Variants in WWOX observed in about 807,000 individuals in gnomAD.
The protein encoded by WWOX is WW domain-containing oxidoreductase.
WWOX carries 69 observed loss-of-function variants against 46.2 expected under a neutral mutation model. The ratio of observed to expected loss-of-function variants is 1.49; its 90% CI spans 1.23 to 1.82. The LOEUF (loss-of-function observed/expected upper bound fraction) is 1.82, where lower values mean the gene tolerates loss of function less well. Ranked by LOEUF, WWOX falls within the 40% of genes most tolerant of loss-of-function variation. WWOX has a pLI of 0.00. For synonymous variants in WWOX, 359 were observed against 202.6 expected (o/e 1.77, Z -6.56); for missense variants, 919 against 542.6 (o/e 1.69, Z -6.89).
chr16:78,575,050 T>C (rs2667518), intron 8 of WWOX, among the ~76,000 whole-genome samples: 3 of 12,282 alleles, frequency 2.4e-4, no homozygotes, highest in African/African-American at 7.2e-4. Context: ...TATATATATA[T>C]ATATATATAT....
intron 8 of WWOX, among the ~76,000 whole-genome samples, chr16:79,019,184 A>G (rs1187126246): frequency 1.8e-5 from 1 of 55,594 alleles, no homozygotes; most frequent in African/African-American, 1.5e-4. Context: ...AAAAAAAAAA[A>G]AGAAAAAAAA....
chr16:78,758,245 C>A (rs1288522120), intron 8 of WWOX, among the ~76,000 whole-genome samples: 1 of 151,998 alleles, frequency 6.6e-6, no homozygotes, highest in Non-Finnish European at 1.5e-5. Context: ...ATAGTAATTC[C>A]ATGTAGCTAT....
intron 8 of WWOX, among the ~76,000 whole-genome samples, chr16:78,906,066 G>C (rs2044955762): frequency 6.6e-6 from 1 of 152,232 alleles, no homozygotes; most frequent in Non-Finnish European, 1.5e-5. Context: ...ATAGGCTACA[G>C]TATTTTGTCT....
At chr16:78,922,458 A>C (rs1005277733) in intron 8 of WWOX, among the ~76,000 whole-genome samples, 2 of 150,606 alleles carry the variant, frequency 1.3e-5, no homozygotes, top group Non-Finnish European at 2.9e-5. Context: ...GGCTCACTGC[A>C]ATTTCTACCT....
At chr16:78,389,504 G>T (rs117702515) in intron 6 of WWOX, among the ~76,000 whole-genome samples, 1 of 152,188 alleles carries the variant, frequency 6.6e-6, no homozygotes, top group African/African-American at 2.4e-5. Context: ...AGCGGAGTCA[G>T]CAGCTCATTT....
chr16:78,442,360 T>C (rs890025751), intron 8 of WWOX, among the ~76,000 whole-genome samples: 13 of 152,112 alleles, frequency 8.5e-5, no homozygotes, highest in African/African-American at 3.1e-4. Context: ...TTCACCATGC[T>C]GTACAATAGA....
At chr16:78,756,659 C>T (rs1323917610) in intron 8 of WWOX, among the ~76,000 whole-genome samples, 2 of 152,130 alleles carry the variant, frequency 1.3e-5, no homozygotes, top group East Asian at 1.9e-4. Flanking sequence ...TCCTTTGTTT[C>T]ACCCTGTTTG....
intron 1 of WWOX, chr16:78,100,124 A>G (rs1236935230): frequency 2.2e-6 from 3 of 1,347,910 alleles, no homozygotes; most frequent in Non-Finnish European, 2.9e-6. Flanking sequence ...GCTGTTCAGG[A>G]TGCAGCACTG....
At chr16:78,392,982 G>A (rs2082209050) in intron 6 of WWOX, among the ~76,000 whole-genome samples, 1 of 152,064 alleles carries the variant, frequency 6.6e-6, no homozygotes, top group African/African-American at 2.4e-5. Context: ...GCGGTCGTCG[G>A]CCAGTGTGTC....
intron 8 of WWOX, among the ~76,000 whole-genome samples, chr16:78,573,612 C>T (rs771349265): frequency 2.0e-5 from 3 of 152,170 alleles, no homozygotes; most frequent in Admixed American, 2.0e-4. Flanking sequence ...GCCCAGTGTA[C>T]TCTCTGTCTC....
At chr16:79,068,426 G>C (rs1008149600) in intron 8 of WWOX, among the ~76,000 whole-genome samples, 1 of 152,078 alleles carries the variant, frequency 6.6e-6, no homozygotes. Context: ...TGTGCTGCCT[G>C]ACACACTCCT....
chr16:78,496,856 A>T (rs942584878), intron 8 of WWOX, among the ~76,000 whole-genome samples: 1 of 152,234 alleles, frequency 6.6e-6, no homozygotes, highest in African/African-American at 2.4e-5. Flanking sequence ...TTGCTGTGCC[A>T]TGTGCATGGA....
intron 5 of WWOX, among the ~76,000 whole-genome samples, chr16:78,234,803 A>AAC (rs67449534): frequency 0.042 from 299 of 7,062 alleles, 1 homozygote; most frequent in African/African-American, 0.21. Flanking sequence ...AAAAAACAAC[A>AAC]AAAAAAAACC....
At chr16:79,186,658 T>C (rs1378241894) in intron 8 of WWOX, among the ~76,000 whole-genome samples, 1 of 152,166 alleles carries the variant, frequency 6.6e-6, no homozygotes, top group Non-Finnish European at 1.5e-5. Flanking sequence ...CGGGACATGA[T>C]TCAACCTATA....
intron 4 of WWOX, among the ~76,000 whole-genome samples, chr16:78,118,069 T>C (rs2032897995): frequency 6.6e-6 from 1 of 151,194 alleles, no homozygotes; most frequent in Non-Finnish European, 1.5e-5. Flanking sequence ...ATGCCCCATA[T>C]GACGCTGCTT....
At chr16:79,058,916 A>C (rs1308355941) in intron 8 of WWOX, among the ~76,000 whole-genome samples, 1 of 152,262 alleles carries the variant, frequency 6.6e-6, no homozygotes, top group African/African-American at 2.4e-5. Flanking sequence ...CACTTTGGAC[A>C]TGTCAAAATC....
At chr16:78,677,700 C>G (rs760336547) in intron 8 of WWOX, among the ~76,000 whole-genome samples, 2 of 152,118 alleles carry the variant, frequency 1.3e-5, no homozygotes, top group Non-Finnish European at 2.9e-5. Flanking sequence ...TTGTGATGAA[C>G]TCAGGTCTAT....
intron 8 of WWOX, among the ~76,000 whole-genome samples, chr16:78,583,670 C>T (rs1360593181): frequency 1.3e-5 from 2 of 152,172 alleles, no homozygotes; most frequent in Middle Eastern, 3.2e-3. Flanking sequence ...AGCCATCAGG[C>T]AGCGGGTTGG....
intron 8 of WWOX, among the ~76,000 whole-genome samples, chr16:78,644,983 A>C (rs984851433): frequency 7.2e-5 from 11 of 152,036 alleles, no homozygotes; most frequent in African/African-American, 2.4e-4. Context: ...TTTTGGTTCT[A>C]CTCTTCAATG....
Sources: allele counts gnomAD v4.1 joint callset (sites outside exome capture counted in the v4.1 genomes callset), GRCh38; gene constraint gnomAD v4.1.1; transcripts MANE v1.5; gene names NCBI Gene and HGNC (gene_info 2026-07-23, HGNC 2026-07-21).